The following CCL25 variants were observed in gnomAD, a reference collection of about 807,000 sequenced individuals.
CCL25 encodes C-C motif chemokine 25.
Under a neutral mutation model 19.9 loss-of-function variants are expected in CCL25, and 14 were observed. The observed-to-expected ratio is 0.70, with a 90% CI of 0.47 to 1.10. The LOEUF (loss-of-function observed/expected upper bound fraction) is 1.10. Ranked by LOEUF, CCL25 falls within the 50% of genes least tolerant of loss-of-function variation. The pLI, the probability that CCL25 is intolerant of heterozygous loss-of-function variation, is 0.00. For missense variants in CCL25, 151 were observed against 181.2 expected, an observed-to-expected ratio of 0.83 and a Z score of 0.96; for synonymous variants, 68 against 73.2, an observed-to-expected ratio of 0.93 and a Z score of 0.36.
chr19:8,060,930 T>G (rs1468283035), intron 5 of CCL25, among the ~76,000 whole-genome samples: 1 of 150,814 alleles, frequency 6.6e-6, no homozygotes, highest in African/African-American at 2.4e-5. Flanking sequence ...TCCACCAGCC[T>G]CAGCCTCCCA....
In CCL25 at chr19:8,057,847, A is replaced by G; in HGVS notation, c.372A>G (p.Leu124=). The G allele has an allele frequency of 2.5e-6, 4 of 1,613,642 alleles. No homozygotes were observed. The highest frequency in any genetic ancestry group is 3.4e-6 in the Non-Finnish European group (4 of 1,179,656). The change falls in exon 5 of 6, where the codon TTA becomes TTG. Residue 124 remains leucine, a synonymous_variant. Coordinates refer to ENST00000315626, the MANE Select transcript of CCL25 (RefSeq NM_005624.4). ...VKKLSSGNSK[L]SSSKFSNPIS... ...AGTTGAGTTCTGGAAACTCCAAGTT[A>G]TCATCGTCCAAGTTTAGCAATCCCA...
chr19:8,058,831 T>G (rs2145293813), intron 5 of CCL25, among the ~76,000 whole-genome samples: 1 of 140,412 alleles, frequency 7.1e-6, no homozygotes, highest in East Asian at 2.0e-4. Flanking sequence ...GCTAATTTTT[T>G]GTATTTTTAG....
Position 8,061,922 on chromosome 19 carries a change from C to T in CCL25, c.446-296C>T, listed in dbSNP as rs143519962. 2.9e-3 allele frequency among the ~76,000 whole-genome samples: 436 copies of T among 151,852 alleles called. 1 individual carries two copies. The highest frequency in any genetic ancestry group is 0.01 in the African/African-American group (419 of 41,404). ...AAAATTAGCCGGGCATGGTGGTACT[C>T]GCCTGTAGTTGCAGCTACTAGGGAG... On this transcript the variant is annotated intron_variant, in intron 5 of 5. Coordinates refer to ENST00000315626, the MANE Select transcript of CCL25 (RefSeq NM_005624.4).
rs34145389 is a variant in CCL25 at position 8,062,191 on chromosome 19, C to G, written c.446-27C>G. The G allele has an allele frequency of 0.24, 392,253 of 1,608,974 alleles. 51,648 individuals are homozygous for G. The highest frequency in any genetic ancestry group is 0.32 in the Middle Eastern group (1,620 of 5,062). On this transcript the variant is annotated intron_variant, in intron 5 of 5. Coordinates refer to ENST00000315626, the MANE Select transcript of CCL25 (RefSeq NM_005624.4). ...TATTATTTTACAGCCGTCAATTTTA[C>G]TTCGGCCTCTCTCATTGCTTCTGCA... is the stretch of plus-strand genomic sequence containing the variant.
intron 4 of CCL25, 152 bp from the exon 5 acceptor site, chr19:8,057,649 C>T (rs759672981): frequency 2.3e-5 from 29 of 1,271,774 alleles, no homozygotes; most frequent in Non-Finnish European, 2.7e-5. Context: ...CTCTTTTAAT[C>T]AGGACACTTT....
intron 2 of CCL25, 46 bp downstream of exon 2, chr19:8,053,168 GC>G (rs931410333): frequency 4.8e-6 from 6 of 1,245,946 alleles, no homozygotes; most frequent in African/African-American, 4.5e-5. Context: ...CTCTCCCCAT[GC>G]CCCCACCCCA....
In CCL25 at chr19:8,060,280, G is replaced by A. The variant is rs1599234381; in HGVS notation, c.446-1938G>A. ...TACTTGAGCCCAGGAGGTAGAGGTT[G>A]CAGTGAGCTATGATCATACCATTGG... On this transcript the variant is annotated intron_variant, in intron 5 of 5. Transcript: ENST00000315626. Among the ~76,000 whole-genome samples, 3 of 152,106 alleles carry A rather than the reference G, an allele frequency of 2.0e-5. No individual in the cohort carries two copies. In the South Asian group the frequency reaches 6.2e-4, roughly 32 times the overall value.
chr19:8,058,720 G>A (rs1194260701), intron 5 of CCL25, among the ~76,000 whole-genome samples: 10 of 137,200 alleles, frequency 7.3e-5, no homozygotes, highest in Non-Finnish European at 1.1e-4. Flanking sequence ...GTGCAGTGGC[G>A]CGATCTTGGC....
At chr19:8,059,150 T>TAATATATATAATATATA (rs1568336055) in intron 5 of CCL25, among the ~76,000 whole-genome samples, 8 of 15,820 alleles carry the variant, frequency 5.1e-4, no homozygotes, top group Non-Finnish European at 9.1e-4. Flanking sequence ...ATATAATATA[T>TAATATATATAATATATA]AATATATATA....
In CCL25 at chr19:8,052,809, C is replaced by T. The variant is rs2081241495; in HGVS notation, c.-64C>T. On this transcript the variant is annotated 5_prime_UTR_variant, in exon 1 of 6. Transcript: ENST00000315626. Reference sequence around the variant, plus strand: ...GCCCGGCGGGCATCAGCTCCCTTGACCCAGTGGATATCGGTGAGTCTTTTC... The same window carrying T: ...GCCCGGCGGGCATCAGCTCCCTTGATCCAGTGGATATCGGTGAGTCTTTTC... 10 of 483,274 alleles carry T rather than the reference C, an allele frequency of 2.1e-5. No homozygotes were observed. Among genetic ancestry groups the T allele is most frequent in the Middle Eastern group, 1.1e-3 (2 of 1,864 alleles). The allele number at this position is 483,274 out of a possible 1,614,324, so 29.9% of individuals were successfully genotyped here. A position where few individuals can be genotyped will look rare whatever the true frequency, so the allele number is the denominator to read the frequency against.
At chr19:8,059,252 G>A (rs922690430) in intron 5 of CCL25, among the ~76,000 whole-genome samples, 1 of 145,316 alleles carries the variant, frequency 6.9e-6, no homozygotes, top group Non-Finnish European at 1.5e-5. Flanking sequence ...AGGCTGGAGT[G>A]CAGTGGTGCC....
chr19:8,058,682 G>A (rs1377004597), intron 5 of CCL25, among the ~76,000 whole-genome samples: 1 of 132,534 alleles, frequency 7.5e-6, no homozygotes, highest in African/African-American at 2.8e-5. Context: ...TTTTTGAGAT[G>A]GAGTCTCACT....
intron 5 of CCL25, among the ~76,000 whole-genome samples, chr19:8,058,977 T>C (rs1410474493): frequency 1.6e-5 from 2 of 128,836 alleles, no homozygotes; most frequent in Non-Finnish European, 3.2e-5. Context: ...AAATATATAA[T>C]ATAAATATAT....
chr19:8,055,412 T>G (rs201759163), intron 2 of CCL25, among the ~76,000 whole-genome samples: 2 of 149,656 alleles, frequency 1.3e-5, no homozygotes, highest in East Asian at 4.1e-4. Flanking sequence ...CTCGGCTCAC[T>G]GCAAGCTCTG....
At chr19:8,062,093 C>T (rs2081322018) in intron 5 of CCL25, 125 bp from the exon 6 acceptor site, 1 of 834,300 alleles carries the variant, frequency 1.2e-6, no homozygotes, top group Admixed American at 2.1e-5. Context: ...TTCTAGCACT[C>T]CTATTACTCA....
At chr19:8,061,447 C>T (rs532130340) in intron 5 of CCL25, among the ~76,000 whole-genome samples, 1 of 152,234 alleles carries the variant, frequency 6.6e-6, no homozygotes, top group South Asian at 2.1e-4. Flanking sequence ...GCCCAGCCAA[C>T]CAGGGAATTT....
chr19:8,060,154 C>CG (rs1187213289), intron 5 of CCL25, among the ~76,000 whole-genome samples: 1 of 149,374 alleles, frequency 6.7e-6, no homozygotes, highest in Non-Finnish European at 1.5e-5. Context: ...GGAAACATAG[C>CG]GGGACCCTGT....
chr19:8,058,676 T>C (rs2081293015), intron 5 of CCL25, among the ~76,000 whole-genome samples: 1 of 136,074 alleles, frequency 7.3e-6, no homozygotes, highest in Non-Finnish European at 1.5e-5. Context: ...TATTTTTTTT[T>C]GAGATGGAGT....
chr19:8,060,469 C>T (rs2081310031), intron 5 of CCL25, among the ~76,000 whole-genome samples: 1 of 152,132 alleles, frequency 6.6e-6, no homozygotes, highest in Admixed American at 6.6e-5. Context: ...TTGCAGTACA[C>T]CACCCCTCCC....
Sources: gnomAD v4.1 joint callset for allele counts (sites outside exome capture counted in the v4.1 genomes callset) on GRCh38, gnomAD v4.1.1 for gene constraint, MANE v1.5 for transcripts, NCBI Gene and HGNC (gene_info 2026-07-23, HGNC 2026-07-21) for gene names.